Variants in ARL5B observed in about 807,000 individuals in gnomAD.
ARL5B encodes ADP-ribosylation factor-like protein 5B.
Under a neutral mutation model 26.9 loss-of-function variants are expected in ARL5B, and 10 were observed. That is an observed-to-expected ratio of 0.37 (90% CI 0.23 to 0.63). The LOEUF (loss-of-function observed/expected upper bound fraction) is 0.63. ARL5B is among the 30% of genes least tolerant of loss of function. The probability of loss-of-function intolerance (pLI) is 0.62; values close to 1 mark genes in which losing one functional copy is unlikely to be tolerated. For synonymous variants in ARL5B, 87 were observed against 70.4 expected (o/e 1.24, Z -1.18); for missense variants, 167 against 213.9 (o/e 0.78, Z 1.37).
chr10:18,669,197 G>C (rs1018899210), intron 3 of ARL5B, among the ~76,000 whole-genome samples: 1 of 152,088 alleles, frequency 6.6e-6, no homozygotes, highest in African/African-American at 2.4e-5. Flanking sequence ...TAGAAAGATT[G>C]TTTGGAGCTA....
chr10:18,666,681 T>G, intron 2 of ARL5B, 46 bp downstream of exon 2: 1 of 1,460,104 alleles, frequency 6.8e-7, no homozygotes, highest in Non-Finnish European at 9.4e-7. Context: ...TTATTGAAAC[T>G]AATGTGTTTA....
intron 1 of ARL5B, among the ~76,000 whole-genome samples, chr10:18,666,356 C>T (rs559459851): frequency 6.6e-6 from 1 of 152,208 alleles, no homozygotes; most frequent in Non-Finnish European, 1.5e-5. Context: ...CTCCCACATT[C>T]TTTTACATGA....
At chr10:18,667,715 A>G (rs1396151893) in intron 2 of ARL5B, among the ~76,000 whole-genome samples, 1 of 150,354 alleles carries the variant, frequency 6.7e-6, no homozygotes. Context: ...ATATATATAT[A>G]CACACACACA....
chr10:18,667,391 T>G (rs2059866078), intron 2 of ARL5B, among the ~76,000 whole-genome samples: 1 of 152,230 alleles, frequency 6.6e-6, no homozygotes, highest in African/African-American at 2.4e-5. Context: ...TGACTTAAAG[T>G]TTGTTGTTTC....
In ARL5B at chr10:18,659,611, A is replaced by T; in HGVS notation, c.-27A>T. The T allele has an allele frequency of 6.2e-7, 1 of 1,603,846 alleles. No homozygotes were observed. The highest frequency in any genetic ancestry group is 8.5e-7 in the Non-Finnish European group (1 of 1,175,888). Reference sequence around the variant, plus strand: ...GCGCAGCGGCACCTGCTGCCGAGGGACCCCGCGGCCCGCCCCGGTGCTCGT... The same window carrying T: ...GCGCAGCGGCACCTGCTGCCGAGGGTCCCCGCGGCCCGCCCCGGTGCTCGT... On this transcript the variant is annotated 5_prime_UTR_variant, in exon 1 of 6. Coordinates refer to ENST00000377275, the MANE Select transcript of ARL5B (RefSeq NM_178815.5).
At chr10:18,663,603 C>CA (rs1174466909) in intron 1 of ARL5B, among the ~76,000 whole-genome samples, 1 of 126,590 alleles carries the variant, frequency 7.9e-6, no homozygotes, top group Non-Finnish European at 1.6e-5. Flanking sequence ...GGCTGGAGTG[C>CA]AGTGGCGTTA....
In ARL5B at chr10:18,678,773, A is replaced by T. The variant is rs1338749899; in HGVS notation, c.*3557A>T. Reference sequence around the variant, plus strand: ...CCGGGGTAAAGTGACTTCAAGATACAGCATGGTGTCTTGTATCTAGTAGAA... The same window carrying T: ...CCGGGGTAAAGTGACTTCAAGATACTGCATGGTGTCTTGTATCTAGTAGAA... On this transcript the variant is annotated 3_prime_UTR_variant, in exon 6 of 6. Coordinates refer to ENST00000377275, the MANE Select transcript of ARL5B (RefSeq NM_178815.5). The T allele has an allele frequency of 6.6e-6, 1 of 151,768 alleles. No individual in the cohort carries two copies. The highest frequency in any genetic ancestry group is 1.5e-5 in the Non-Finnish European group (1 of 67,746). 9.4% of individuals were successfully genotyped at this position (151,768 alleles called of 1,614,324 possible). A position where few individuals can be genotyped will look rare whatever the true frequency, so the allele number is the denominator to read the frequency against.
In ARL5B at chr10:18,672,553, G is replaced by C. The variant is rs561561053; in HGVS notation, c.256-69G>C. 1,612 of 1,068,198 alleles carry C rather than the reference G, an allele frequency of 1.5e-3. 8 individuals are homozygous for C. The highest frequency in any genetic ancestry group is 5.6e-3 in the South Asian group (419 of 74,714). The allele number at this position is 1,068,198 out of a possible 1,614,324, so 66.2% of individuals were successfully genotyped here. A position where few individuals can be genotyped will look rare whatever the true frequency, so the allele number is the denominator to read the frequency against. On this transcript the variant is annotated intron_variant, in intron 3 of 5. Coordinates refer to ENST00000377275, the MANE Select transcript of ARL5B (RefSeq NM_178815.5). Reference sequence around the variant, plus strand: ...TGTAGAGAAAGTACTTAGATTACTTGAGTAGTTTTACAGAAAACTTTTCAG... The same window carrying C: ...TGTAGAGAAAGTACTTAGATTACTTCAGTAGTTTTACAGAAAACTTTTCAG...
chr10:18,674,910 G>T (rs1291094977), intron 5 of ARL5B, among the ~76,000 whole-genome samples: 1 of 151,814 alleles, frequency 6.6e-6, no homozygotes, highest in Non-Finnish European at 1.5e-5. Context: ...GGGAGTATTT[G>T]CACTCTTCAT....
At chr10:18,664,838 T>C (rs994668068) in intron 1 of ARL5B, among the ~76,000 whole-genome samples, 1 of 152,196 alleles carries the variant, frequency 6.6e-6, no homozygotes, top group Non-Finnish European at 1.5e-5. Context: ...TTCAGTATTA[T>C]GTGAAGCATC....
chr10:18,659,576 G>T lies in ARL5B; in HGVS notation c.-62G>T, dbSNP rs558056174. On this transcript the variant is annotated 5_prime_UTR_variant, in exon 1 of 6. Transcript: ENST00000377275. ...GGCTCCGCGCAGCCCGCGCCGCGGTGGGGGACCCGGCGCAGCGGCACCTGC... is the reference window on the plus strand; with the variant it reads ...GGCTCCGCGCAGCCCGCGCCGCGGTTGGGGACCCGGCGCAGCGGCACCTGC... 1.5e-3 allele frequency: 2,358 copies of T among 1,542,222 alleles called. 10 individuals are homozygous for T. The highest frequency in any genetic ancestry group is 1.8e-3 in the Middle Eastern group (10 of 5,680).
In ARL5B at chr10:18,659,741, A is replaced by G. The variant is rs533008294; in HGVS notation, c.46+58A>G. 31 of 1,594,018 alleles carry G rather than the reference A, an allele frequency of 1.9e-5. No homozygotes were observed. The South Asian group carries it at 3.4e-4, about 17-fold the overall frequency. On this transcript the variant is annotated intron_variant, in intron 1 of 5. Coordinates refer to ENST00000377275, the MANE Select transcript of ARL5B (RefSeq NM_178815.5). ...TCCGAGGCAGAGGGTCCCGCCGCCG[A>G]TGGGGACACCGGAGACAGGGGACAG...
chr10:18,666,833 T>C (rs1365544986), intron 2 of ARL5B, among the ~76,000 whole-genome samples, 198 bp downstream of exon 2: 4 of 152,210 alleles, frequency 2.6e-5, no homozygotes, highest in African/African-American at 7.2e-5. Context: ...CAAACACTTA[T>C]TGTTTTCTGC....
At position 18,680,833 on chromosome 10, in the gene ARL5B, G is replaced by T. The variant is rs182152195; in HGVS notation, c.*5617G>T. ...ACAGCAATTACAACCTTGGTGTTGC[G>T]TTTATTCTAATCAGAGTGAATGATT... is the stretch of plus-strand genomic sequence containing the variant. On this transcript the variant is annotated 3_prime_UTR_variant, in exon 6 of 6. Transcript: ENST00000377275. The T allele has an allele frequency of 1.6e-4, 24 of 152,082 alleles. No homozygotes were observed. In the East Asian group the frequency reaches 3.1e-3, roughly 20 times the overall value. 9.4% of individuals were successfully genotyped at this position (152,082 alleles called of 1,614,324 possible).
In ARL5B at chr10:18,680,688, A is replaced by C. The variant is rs563518713; in HGVS notation, c.*5472A>C. On this transcript the variant is annotated 3_prime_UTR_variant, in exon 6 of 6. Transcript: ENST00000377275. ...ATGACTTAAAAAAAGTTTAGCTGCTATTTCAGTGAAAGTGTAAAATAAAAC... is the reference window on the plus strand; with the variant it reads ...ATGACTTAAAAAAAGTTTAGCTGCTCTTTCAGTGAAAGTGTAAAATAAAAC... 1.6e-4 allele frequency: 25 copies of C among 152,134 alleles called. No homozygotes were observed. Among genetic ancestry groups the C allele is most frequent in the Non-Finnish European group, 2.8e-4 (19 of 67,984 alleles). The allele number at this position is 152,134 out of a possible 1,614,324, so 9.4% of individuals were successfully genotyped here.
intron 3 of ARL5B, among the ~76,000 whole-genome samples, chr10:18,671,424 C>T (rs988342161): frequency 4.6e-5 from 7 of 152,106 alleles, no homozygotes; most frequent in Non-Finnish European, 8.8e-5. Flanking sequence ...CCACCTCGGC[C>T]TACCAAAGTG....
At chr10:18,663,703 C>T (rs1194929703) in intron 1 of ARL5B, among the ~76,000 whole-genome samples, 1 of 151,620 alleles carries the variant, frequency 6.6e-6, no homozygotes, top group Non-Finnish European at 1.5e-5. Context: ...TGTCTGCCAC[C>T]ACGCCCGGCT....
chr10:18,677,646 A>T lies in ARL5B; in HGVS notation c.*2430A>T, dbSNP rs979515406. On this transcript the variant is annotated 3_prime_UTR_variant, in exon 6 of 6. Coordinates refer to ENST00000377275, the MANE Select transcript of ARL5B (RefSeq NM_178815.5). ...ATCTAATACTAGAGCATTGGTTCTG[A>T]CATTCATTGTAAATCAGTGAACTGT... 2.6e-5 allele frequency: 4 copies of T among 152,390 alleles called. No homozygotes were observed. Among genetic ancestry groups the T allele is most frequent in the African/African-American group, 9.6e-5 (4 of 41,454 alleles). 9.4% of individuals were successfully genotyped at this position (152,390 alleles called of 1,614,324 possible). A position where few individuals can be genotyped will look rare whatever the true frequency, so the allele number is the denominator to read the frequency against.
intron 1 of ARL5B, 38 bp downstream of exon 1, chr10:18,659,721 G>A: frequency 6.2e-7 from 1 of 1,602,174 alleles, no homozygotes; most frequent in Non-Finnish European, 8.5e-7. Context: ...TCGAATCCGA[G>A]GCAGAGGGTC....
Sources: allele counts gnomAD v4.1 joint callset (sites outside exome capture counted in the v4.1 genomes callset), GRCh38; gene constraint gnomAD v4.1.1; transcripts MANE v1.5; gene names NCBI Gene and HGNC (gene_info 2026-07-23, HGNC 2026-07-21).